Variants in NAXD observed in about 807,000 individuals in gnomAD.
NAXD encodes NAD(P)HX dehydratase, also known as ATP-dependent (S)-NAD(P)H-hydrate dehydratase.
Under a neutral mutation model 35.8 loss-of-function variants are expected in NAXD, and 22 were observed. The ratio of observed to expected loss-of-function variants is 0.62; its 90% CI spans 0.44 to 0.88. The LOEUF is 0.88. Among genes scored for constraint, NAXD ranks in the 40% least tolerant of loss-of-function variants. NAXD has a pLI of 0.00. For missense variants in NAXD, 428 were observed against 437.7 expected, an observed-to-expected ratio of 0.98 and a Z score of 0.20; for synonymous variants, 189 against 177.6, an observed-to-expected ratio of 1.06 and a Z score of -0.51.
At chr13:110,630,131 G>T (rs1886649739) in intron 5 of NAXD, among the ~76,000 whole-genome samples, 1 of 152,164 alleles carries the variant, frequency 6.6e-6, no homozygotes, top group South Asian at 2.1e-4. Flanking sequence ...CTGGGTTTAA[G>T]TGATTCCTTT....
rs55839400 is a variant in NAXD at position 110,627,450 on chromosome 13, A to G, written c.344A>G (p.Asn115Ser). Residue 115 changes from asparagine (N) to serine (S), a missense_variant, in exon 5 of 10, where the codon AAT becomes AGT. Around this residue, in one of 3 missense-constraint regions of NAXD, gnomAD observed 208 missense variants for 193.0 expected, o/e 1.08. Coordinates refer to ENST00000680254, the MANE Select transcript of NAXD (RefSeq NM_001242882.2). ...CTTTCCTTCTTTAGTGACAGCCCCA[A>G]TGCTGTTCATGAGGTGGAGAAGTGG... ...LIVHPVLDSP[N>S]AVHEVEKWLP... 69 of 1,613,296 alleles carry G rather than the reference A, an allele frequency of 4.3e-5. No individual in the cohort carries two copies. In the South Asian group the frequency reaches 4.5e-4, roughly 11 times the overall value.
Position 110,639,001 on chromosome 13 carries a change from T to TG in NAXD, c.*476dup, listed in dbSNP as rs1438310676. 2 of 318,656 alleles carry TG rather than the reference T, an allele frequency of 6.3e-6. No individual in the cohort carries two copies. 19.7% of individuals were successfully genotyped at this position (318,656 alleles called of 1,614,324 possible). A position where few individuals can be genotyped will look rare whatever the true frequency, so the allele number is the denominator to read the frequency against. ...CTCCCTGAGTCCCGACTGCACTGAC[T>TG]GGGTCCATCAGAGGGCTGCTTCGTT... On this transcript the variant is annotated 3_prime_UTR_variant, in exon 10 of 10. Coordinates refer to ENST00000680254, the MANE Select transcript of NAXD (RefSeq NM_001242882.2).
intron 4 of NAXD, among the ~76,000 whole-genome samples, chr13:110,626,668 C>T (rs1454432950): frequency 3.3e-5 from 5 of 152,046 alleles, no homozygotes; most frequent in Non-Finnish European, 5.9e-5. Flanking sequence ...CCAGACAGCT[C>T]CAGAAGGGCC....
intron 5 of NAXD, among the ~76,000 whole-genome samples, chr13:110,629,221 A>G (rs1886616641): frequency 6.6e-6 from 1 of 152,198 alleles, no homozygotes. Flanking sequence ...CATTCTTCTG[A>G]TGACAGATTG....
upstream of NAXD, chr13:110,615,534 A>C (rs1886007632): frequency 3.0e-6 from 4 of 1,320,404 alleles, no homozygotes; most frequent in Non-Finnish European, 2.9e-6. Flanking sequence ...GGGAAACCGG[A>C]AAACGCTTCC....
At chr13:110,637,093 CAT>C (rs766317263) in intron 8 of NAXD, 34 bp from the exon 9 acceptor site, 4 of 1,582,698 alleles carry the variant, frequency 2.5e-6, no homozygotes, top group Non-Finnish European at 2.6e-6. Context: ...CACACATGGC[CAT>C]GCTGACACCT....
At chr13:110,622,971 A>T (rs1182742856) in intron 2 of NAXD, among the ~76,000 whole-genome samples, 1 of 151,968 alleles carries the variant, frequency 6.6e-6, no homozygotes, top group Admixed American at 6.6e-5. Context: ...GGTGTGTTAG[A>T]GTTGTTACTG....
intron 1 of NAXD, among the ~76,000 whole-genome samples, chr13:110,617,087 A>G (rs561420957): frequency 1.1e-4 from 16 of 152,336 alleles, no homozygotes; most frequent in Non-Finnish European, 1.9e-4. Context: ...TTGAGGATTT[A>G]TTATCAGACT....
intron 5 of NAXD, among the ~76,000 whole-genome samples, chr13:110,630,066 G>C (rs1055464980): frequency 1.3e-5 from 2 of 152,060 alleles, no homozygotes; most frequent in African/African-American, 4.8e-5. Flanking sequence ...TTCTCACTCT[G>C]TCACCCAGGC....
chr13:110,627,665 T>C (rs1482407648), intron 5 of NAXD, 118 bp downstream of exon 5: 2 of 690,788 alleles, frequency 2.9e-6, no homozygotes, highest in Middle Eastern at 3.4e-4. Flanking sequence ...TGTGGCATGA[T>C]TGAGATAAGA....
In NAXD at chr13:110,639,812, C is replaced by G. The variant is rs11551104; in HGVS notation, c.*1284C>G. On this transcript the variant is annotated 3_prime_UTR_variant, in exon 10 of 10. Transcript: ENST00000680254. ...ACATGCCCCAGATGGATTCTACTTTCTTTAAAACTAGGGACTTTCAAGATT... is the reference window on the plus strand; with the variant it reads ...ACATGCCCCAGATGGATTCTACTTTGTTTAAAACTAGGGACTTTCAAGATT... 3.9e-5 allele frequency: 6 copies of G among 152,088 alleles called. No homozygotes were observed. The highest frequency in any genetic ancestry group is 3.3e-4 in the Admixed American group (5 of 15,266). 9.4% of individuals were successfully genotyped at this position (152,088 alleles called of 1,614,324 possible). A position where few individuals can be genotyped will look rare whatever the true frequency, so the allele number is the denominator to read the frequency against.
rs774843816 is a variant in NAXD at position 110,625,208 on chromosome 13, G to A, written c.262G>A (p.Val88Met). Residue 88 changes from valine to methionine, a missense_variant, in exon 4 of 10, where the codon GTG becomes ATG. By Grantham distance (21) the Val-to-Met change is conservative (BLOSUM62 1). This residue lies in a region of NAXD where 208 missense variants were observed against 193.0 expected (regional missense o/e 1.08). Transcript: ENST00000680254. ...ALKVGADLSH[V>M]FCASAAAPVI... ...TCATCAGGGCGCAGACTTGTCCCAC[G>A]TGTTCTGTGCCAGTGCGGCCGCACC... 8 of 1,613,736 alleles carry A rather than the reference G, an allele frequency of 5.0e-6. No individual in the cohort carries two copies. Among genetic ancestry groups the A allele is most frequent in the South Asian group, 4.4e-5 (4 of 91,086 alleles).
intron 5 of NAXD, 48 bp from the exon 6 acceptor site, chr13:110,634,497 C>T (rs781768295): frequency 6.3e-7 from 1 of 1,594,312 alleles, no homozygotes; most frequent in Non-Finnish European, 8.6e-7. Flanking sequence ...CACATACCCA[C>T]ACCATAGCAG....
intron 1 of NAXD, among the ~76,000 whole-genome samples, chr13:110,620,450 T>TGG (rs1594168166): frequency 1.3e-5 from 2 of 151,362 alleles, no homozygotes; most frequent in Non-Finnish European, 2.9e-5. Context: ...CGTGGTGGCA[T>TGG]GCGCCTGTAG....
intron 5 of NAXD, among the ~76,000 whole-genome samples, chr13:110,632,096 C>T (rs1294792336): frequency 2.2e-5 from 3 of 138,980 alleles, no homozygotes; most frequent in East Asian, 2.1e-4. Flanking sequence ...CTTAAGGTGG[C>T]GCGTCTGGAG....
At chr13:110,635,897 G>A (rs1186693307) in intron 8 of NAXD, among the ~76,000 whole-genome samples, 1 of 152,276 alleles carries the variant, frequency 6.6e-6, no homozygotes, top group Non-Finnish European at 1.5e-5. Flanking sequence ...GCAGGGCACA[G>A]TGCAGGGTCC....
rs1886856700 is a variant in NAXD, at chr13:110,634,759, A to C, written c.580A>C (p.Arg194=). The C allele has an allele frequency of 6.2e-7, 1 of 1,613,424 alleles. No individual in the cohort carries two copies. The highest frequency in any genetic ancestry group is 1.7e-5 in the Admixed American group (1 of 60,006). The change falls in exon 7 of 10, where the codon AGA becomes CGA. Residue 194 remains arginine, a synonymous_variant. Transcript: ENST00000680254. ...VLTPNHVEFS[R]LYDAVLRGPM... ...CACTCCCAACCACGTGGAGTTCAGC[A>C]GACTGTATGACGCTGTGGTGAGTCA...
At chr13:110,621,092 C>A (rs1485993992) in intron 1 of NAXD, among the ~76,000 whole-genome samples, 1 of 152,074 alleles carries the variant, frequency 6.6e-6, no homozygotes, top group East Asian at 1.9e-4. Context: ...CACTTTGAAC[C>A]CAATTTAAGA....
intron 4 of NAXD, among the ~76,000 whole-genome samples, chr13:110,625,994 T>C (rs1255315635): frequency 6.6e-6 from 1 of 152,050 alleles, no homozygotes; most frequent in African/African-American, 2.4e-5. Context: ...TGATGACGCC[T>C]GGGTCGAGCC....
Sources: allele counts gnomAD v4.1 joint callset (sites outside exome capture counted in the v4.1 genomes callset), GRCh38; gene constraint gnomAD v4.1.1; regional missense constraint gnomAD v4.1.1; transcripts MANE v1.5; gene names NCBI Gene and HGNC (gene_info 2026-07-23, HGNC 2026-07-21).